GABRA3: variants seen among roughly 807,000 people sequenced by gnomAD.
GABRA3 encodes the protein gamma-aminobutyric acid type A receptor subunit alpha3.
A neutral mutation model predicts 30.1 loss-of-function variants in GABRA3; 10 were observed. The observed-to-expected ratio is 0.33, with a 90% CI of 0.20 to 0.56. The LOEUF (loss-of-function observed/expected upper bound fraction) is 0.56. GABRA3 is among the 20% of genes least tolerant of loss of function. The probability of loss-of-function intolerance (pLI) is 0.89; values close to 1 mark genes in which losing one functional copy is unlikely to be tolerated. For missense variants in GABRA3, 233 were observed against 392.0 expected (o/e 0.59, Z 3.42); for synonymous variants, 151 against 146.8 (o/e 1.03, Z -0.21).
chrX:152,316,990 T>G (rs924119322), intron 3 of GABRA3, among the ~76,000 whole-genome samples: 1 of 111,896 alleles, frequency 8.9e-6, no homozygotes, highest in Non-Finnish European at 1.9e-5. Flanking sequence ...GCACAATGAT[T>G]GGAATAGTAG....
At chrX:152,213,124 T>G (rs1937653705) in intron 6 of GABRA3, among the ~76,000 whole-genome samples, 1 of 112,076 alleles carries the variant, frequency 8.9e-6, no homozygotes, top group South Asian at 3.7e-4. Flanking sequence ...CTCCTTCTGT[T>G]ATCTGAGCCT....
chrX:152,317,681 T>TA (rs1471528473), intron 3 of GABRA3, among the ~76,000 whole-genome samples: 1 of 111,884 alleles, frequency 8.9e-6, no homozygotes, highest in African/African-American at 3.2e-5. Flanking sequence ...AAAACCATGC[T>TA]AATACATGGA....
intron 1 of GABRA3, among the ~76,000 whole-genome samples, chrX:152,375,986 T>A (rs945388364): frequency 8.9e-6 from 1 of 111,928 alleles, no homozygotes; most frequent in Non-Finnish European, 1.9e-5. Flanking sequence ...CTGACTCCAT[T>A]GAGCCTTCCC....
Position 152,168,506 on chromosome X carries a change from T to C in GABRA3, c.1201A>G (p.Thr401Ala). The change falls in exon 10 of 10, where the codon ACC becomes GCC. Residue 401 changes from threonine (T) to alanine (A), a missense_variant. Transcript: ENST00000370314. ...TTGGCCAGGTTGATGGGATAGGTGGTCCCCACGATGTTGAAGGTAGTGCTG... is the reference window on the plus strand; with the variant it reads ...TTGGCCAGGTTGATGGGATAGGTGGCCCCCACGATGTTGAAGGTAGTGCTG... Reference protein sequence around the residue: ...KTSTTFNIVGTTYPINLAKDT... With the variant: ...KTSTTFNIVGATYPINLAKDT... 1 of 1,210,756 alleles carries C rather than the reference T, an allele frequency of 8.3e-7. No homozygotes were observed. The highest frequency in any genetic ancestry group is 1.1e-6 in the Non-Finnish European group (1 of 894,989).
At chrX:152,275,802 TC>T (rs1939073762) in intron 4 of GABRA3, among the ~76,000 whole-genome samples, 1 of 108,617 alleles carries the variant, frequency 9.2e-6, no homozygotes, top group African/African-American at 3.3e-5. Context: ...TGTAAATAAA[TC>T]ATTTATATAT....
chrX:152,235,547 C>T (rs989610942), intron 5 of GABRA3, among the ~76,000 whole-genome samples: 6 of 96,154 alleles, frequency 6.2e-5, no homozygotes, highest in Non-Finnish European at 1.0e-4. Context: ...TTGCAGGATA[C>T]AGAATCAACG....
chrX:152,236,856 T>G (rs1443976332), intron 5 of GABRA3, among the ~76,000 whole-genome samples: 2 of 102,938 alleles, frequency 1.9e-5, no homozygotes, highest in East Asian at 6.0e-4. Flanking sequence ...GTTTTTTTCT[T>G]GTAAATTTGT....
intron 9 of GABRA3, among the ~76,000 whole-genome samples, chrX:152,172,181 C>G (rs757921873): frequency 3.0e-4 from 33 of 111,800 alleles, no homozygotes; most frequent in Non-Finnish European, 5.5e-4. Flanking sequence ...AAAAGATTTA[C>G]AAATGGCCAA....
At chrX:152,384,819 C>T (rs1929251968) in intron 1 of GABRA3, among the ~76,000 whole-genome samples, 3 of 111,329 alleles carry the variant, frequency 2.7e-5, no homozygotes, top group Non-Finnish European at 3.8e-5. Context: ...CAACAAATAC[C>T]GAATGGTAGA....
At chrX:152,246,854 T>C (rs1379550082) in intron 5 of GABRA3, among the ~76,000 whole-genome samples, 1 of 110,692 alleles carries the variant, frequency 9.0e-6, no homozygotes, top group Non-Finnish European at 1.9e-5. Flanking sequence ...CAAAAGCCAT[T>C]ACAAAAAAAA....
intron 4 of GABRA3, among the ~76,000 whole-genome samples, chrX:152,268,108 A>T (rs1938861947): frequency 9.1e-6 from 1 of 109,523 alleles, no homozygotes; most frequent in Non-Finnish European, 1.9e-5. Context: ...TTTTCACTTA[A>T]GTGTCTATTG....
intron 6 of GABRA3, among the ~76,000 whole-genome samples, chrX:152,223,364 TATATC>T (rs1937878024): frequency 8.9e-6 from 1 of 112,056 alleles, no homozygotes; most frequent in African/African-American, 3.2e-5. Context: ...CTCTTCTACT[TATATC>T]ATTTTAAAAA....
At chrX:152,285,903 T>TA (rs776467893) in intron 3 of GABRA3, among the ~76,000 whole-genome samples, 1 of 106,853 alleles carries the variant, frequency 9.4e-6, no homozygotes, top group African/African-American at 3.4e-5. Flanking sequence ...TACTATAGTA[T>TA]TAAGTACTAT....
chrX:152,389,891 T>C (rs1214535545), intron 1 of GABRA3, among the ~76,000 whole-genome samples: 1 of 110,014 alleles, frequency 9.1e-6, no homozygotes, highest in Non-Finnish European at 1.9e-5. Context: ...ATTTTTTATA[T>C]ATGGTACATG....
At chrX:152,254,386 T>G (rs1383927286) in intron 5 of GABRA3, among the ~76,000 whole-genome samples, 1 of 109,614 alleles carries the variant, frequency 9.1e-6, no homozygotes, top group Non-Finnish European at 1.9e-5. Flanking sequence ...TCTCAACTTC[T>G]CTACTCTTTT....
At chrX:152,183,042 G>A (rs887102712) in intron 9 of GABRA3, among the ~76,000 whole-genome samples, 1 of 107,333 alleles carries the variant, frequency 9.3e-6, no homozygotes, top group East Asian at 2.9e-4. Flanking sequence ...TAGTGTATTT[G>A]CCTGTCTTTG....
At chrX:152,329,578 C>G (rs776177082) in intron 3 of GABRA3, among the ~76,000 whole-genome samples, 9 of 111,608 alleles carry the variant, frequency 8.1e-5, no homozygotes, top group Non-Finnish European at 1.1e-4. Context: ...ATAAACCTGA[C>G]AAAAACAAGA....
intron 7 of GABRA3, among the ~76,000 whole-genome samples, chrX:152,198,389 C>G (rs990007231): frequency 5.3e-5 from 6 of 112,569 alleles, no homozygotes; most frequent in Non-Finnish European, 1.1e-4. Flanking sequence ...TATCCCACTC[C>G]TAAAATAAGA....
rs762470418 is a variant in GABRA3 at position 152,328,956 on chromosome X, G to A, written c.262+16625C>T. 1.6e-3 allele frequency among the ~76,000 whole-genome samples: 177 copies of A among 111,864 alleles called. 1 individual carries two copies. Among genetic ancestry groups the A allele is most frequent in the Middle Eastern group, 4.7e-3 (1 of 213 alleles). On this transcript the variant is annotated intron_variant, in intron 3 of 9. Coordinates refer to ENST00000370314, the MANE Select transcript of GABRA3 (RefSeq NM_000808.4). ...GATTGTATATTTAGAAAACCCCATC[G>A]TCTCAGCCCAAAATCTCCTTAAGCT...
Sources: gnomAD v4.1 joint callset for allele counts (sites outside exome capture counted in the v4.1 genomes callset) on GRCh38, gnomAD v4.1.1 for gene constraint, MANE v1.5 for transcripts, NCBI Gene and HGNC (gene_info 2026-07-23, HGNC 2026-07-21) for gene names.